The following PDPR variants were observed in gnomAD, a reference collection of about 807,000 sequenced individuals.
The protein encoded by PDPR is pyruvate dehydrogenase phosphatase regulatory subunit, mitochondrial.
A neutral mutation model predicts 102.2 loss-of-function variants in PDPR; 50 were observed. That is an observed-to-expected ratio of 0.49 (90% CI 0.39 to 0.62). The LOEUF is 0.62. Among genes scored for constraint, PDPR ranks in the 20% least tolerant of loss-of-function variants. The probability of loss-of-function intolerance (pLI) is 0.00; values close to 1 mark genes in which losing one functional copy is unlikely to be tolerated. For missense variants in PDPR, 625 were observed against 1,098.2 expected (o/e 0.57, Z 6.09); for synonymous variants, 259 against 406.0 (o/e 0.64, Z 4.35).
chr16:70,114,663 C>CT (rs1223096860), intron 1 of PDPR, among the ~76,000 whole-genome samples, 158 bp from the exon 2 acceptor site: 1 of 152,242 alleles, frequency 6.6e-6, no homozygotes, highest in Admixed American at 6.5e-5. Context: ...GTGTTCTCGG[C>CT]TACCCCTGGG....
At position 70,159,502 on chromosome 16, in the gene PDPR, G is replaced by GT. The variant is rs1312327866; in HGVS notation, c.*2625dup. 6.6e-6 allele frequency: 1 copy of GT among 152,492 alleles called. No individual in the cohort carries two copies. Among genetic ancestry groups the GT allele is most frequent in the Non-Finnish European group, 1.5e-5 (1 of 68,374 alleles). The allele number at this position is 152,492 out of a possible 1,614,324, so 9.4% of individuals were successfully genotyped here. A position where few individuals can be genotyped will look rare whatever the true frequency, so the allele number is the denominator to read the frequency against. Reference sequence around the variant, plus strand: ...CAGATTTCTCTTCTAGCACTTTAGAGTTGATCCTTGAAGTCTCTCCTGGTT... The same window carrying GT: ...CAGATTTCTCTTCTAGCACTTTAGAGTTTGATCCTTGAAGTCTCTCCTGGTT... On this transcript the variant is annotated 3_prime_UTR_variant, in exon 19 of 19. Transcript: ENST00000288050.
intron 18 of PDPR, 107 bp from the exon 19 acceptor site, chr16:70,156,368 G>C: frequency 1.5e-6 from 2 of 1,352,070 alleles, no homozygotes; most frequent in South Asian, 1.5e-5. Context: ...GGGAGGAGGC[G>C]GCTGTGCCCC....
chr16:70,125,551 TCAA>T (rs1323499355), intron 3 of PDPR, among the ~76,000 whole-genome samples: 3 of 45,258 alleles, frequency 6.6e-5, no homozygotes, highest in Non-Finnish European at 4.4e-5. Flanking sequence ...AAACTGCGTC[TCAA>T]AAAAAAAAAA....
At chr16:70,152,943 G>A (rs1025784145) in intron 17 of PDPR, among the ~76,000 whole-genome samples, 2 of 152,290 alleles carry the variant, frequency 1.3e-5, no homozygotes, top group Non-Finnish European at 2.9e-5. Context: ...TGTGAGAGCT[G>A]GGCCTCACAG....
At chr16:70,153,915 C>T (rs543891476) in intron 18 of PDPR, among the ~76,000 whole-genome samples, 7 of 152,360 alleles carry the variant, frequency 4.6e-5, no homozygotes, top group Admixed American at 2.6e-4. Context: ...CACGGTGGCT[C>T]ACACCTGTAA....
At chr16:70,113,939 C>G (rs1962368753), upstream of PDPR, 2 of 151,242 alleles carry the variant, frequency 1.3e-5, no homozygotes, top group Non-Finnish European at 2.9e-5. Flanking sequence ...GACTGGGGAC[C>G]CACTGGCTTT....
At chr16:70,114,519 C>G (rs1445855189) in intron 1 of PDPR, 79 bp downstream of exon 1, 1 of 152,210 alleles carries the variant, frequency 6.6e-6, no homozygotes, top group East Asian at 1.9e-4. Context: ...GGGTTCCCCT[C>G]TTTCTCCTTT....
intron 9 of PDPR, among the ~76,000 whole-genome samples, chr16:70,133,111 C>CTTTT (rs140652740): frequency 0.013 from 1,220 of 97,178 alleles, 89 homozygotes; most frequent in East Asian, 0.12. Context: ...TACCCAGCTG[C>CTTTT]TTTTTTTTTT....
At chr16:70,140,390 T>C (rs1188939186) in intron 11 of PDPR, among the ~76,000 whole-genome samples, 2 of 152,274 alleles carry the variant, frequency 1.3e-5, no homozygotes, top group African/African-American at 4.8e-5. Flanking sequence ...AAAGTTGAAC[T>C]ATTATAAGCC....
intron 2 of PDPR, among the ~76,000 whole-genome samples, chr16:70,119,212 A>G (rs2549081): frequency 3.3e-5 from 5 of 152,014 alleles, no homozygotes; most frequent in African/African-American, 7.2e-5. Context: ...TGTAATCTCA[A>G]CACTTTGGGA....
intron 3 of PDPR, among the ~76,000 whole-genome samples, chr16:70,124,923 T>C (rs1408155493): frequency 1.3e-5 from 2 of 152,286 alleles, no homozygotes; most frequent in African/African-American, 4.8e-5. Context: ...CCCCACCTGC[T>C]TTCTTGACAT....
In PDPR at chr16:70,116,838, G is replaced by A. The variant is rs529068875; in HGVS notation, c.-33+1908G>A. ...ATAACAGGCGTGAGACATGGCGCCC[G>A]GCCTAAAGTTTTTTTTTTAATTCCA... On this transcript the variant is annotated intron_variant, in intron 2 of 18. Transcript: ENST00000288050. Among the ~76,000 whole-genome samples, 33 of 152,096 alleles carry A rather than the reference G, an allele frequency of 2.2e-4. No individual in the cohort carries two copies. In the South Asian group the frequency reaches 4.2e-3, roughly 19 times the overall value.
At chr16:70,125,552 CAAAAAAA>C (rs1164711741) in intron 3 of PDPR, among the ~76,000 whole-genome samples, 1 of 106,840 alleles carries the variant, frequency 9.4e-6, no homozygotes, top group Non-Finnish European at 1.8e-5. Context: ...AACTGCGTCT[CAAAAAAA>C]AAAAAAAAAA....
intron 9 of PDPR, among the ~76,000 whole-genome samples, chr16:70,135,128 C>G (rs1370879152): frequency 3.3e-5 from 5 of 152,232 alleles, no homozygotes; most frequent in African/African-American, 9.6e-5. Flanking sequence ...CAGCTCTGGT[C>G]TGGTTTCATC....
downstream of PDPR, among the ~76,000 whole-genome samples, chr16:70,163,398 C>A (rs1431745915): frequency 6.6e-6 from 1 of 152,240 alleles, no homozygotes; most frequent in Non-Finnish European, 1.5e-5. Context: ...CGCCAGAAAC[C>A]TGGGACTCAC....
chr16:70,147,271 A>G (rs1966314403), intron 16 of PDPR, among the ~76,000 whole-genome samples: 2 of 147,182 alleles, frequency 1.4e-5, no homozygotes, highest in Admixed American at 6.9e-5. Context: ...AGCTTGCTTT[A>G]TTTAATAAGC....
At chr16:70,114,974 G>GAT (rs1962493898) in intron 2 of PDPR, 44 bp downstream of exon 2, 1 of 152,136 alleles carries the variant, frequency 6.6e-6, no homozygotes, top group South Asian at 2.1e-4. Context: ...GCCGATGTGT[G>GAT]ATACCTCGGA....
At chr16:70,128,153 G>A (rs1252860781) in intron 4 of PDPR, among the ~76,000 whole-genome samples, 1 of 152,246 alleles carries the variant, frequency 6.6e-6, no homozygotes, top group Non-Finnish European at 1.5e-5. Flanking sequence ...CCCAAGACTA[G>A]GAGGAGAAAG....
rs1054536226 is a variant in PDPR, at chr16:70,158,276, A to G, written c.*1397A>G. On this transcript the variant is annotated 3_prime_UTR_variant, in exon 19 of 19. Transcript: ENST00000288050. ...TTTCCCCTTGCATATCAACTGCCCT[A>G]ATCTGACTTTTTTTAAGTGCAAATA... is the stretch of plus-strand genomic sequence containing the variant. 1 of 152,448 alleles carries G rather than the reference A, an allele frequency of 6.6e-6. No individual in the cohort carries two copies. Among genetic ancestry groups the G allele is most frequent in the Admixed American group, 6.5e-5 (1 of 15,292 alleles). The allele number at this position is 152,448 out of a possible 1,614,324, so 9.4% of individuals were successfully genotyped here.
Sources: gnomAD v4.1 joint callset for allele counts (sites outside exome capture counted in the v4.1 genomes callset) on GRCh38, gnomAD v4.1.1 for gene constraint, MANE v1.5 for transcripts, NCBI Gene and HGNC (gene_info 2026-07-23, HGNC 2026-07-21) for gene names.